ERBB4: variants seen among roughly 807,000 people sequenced by gnomAD.
ERBB4 encodes receptor tyrosine-protein kinase erbB-4.
A neutral mutation model predicts 158.0 loss-of-function variants in ERBB4; 42 were observed. That is an observed-to-expected ratio of 0.27 (90% CI 0.21 to 0.34). The LOEUF (loss-of-function observed/expected upper bound fraction) is 0.34. Among genes scored for constraint, ERBB4 ranks in the 10% least tolerant of loss-of-function variants. The pLI is 1.00. For missense variants in ERBB4, 1,333 were observed against 1,624.1 expected, an observed-to-expected ratio of 0.82 and a Z score of 3.08; for synonymous variants, 583 against 558.7, an observed-to-expected ratio of 1.04 and a Z score of -0.61.
rs561986441 is a variant in ERBB4, at chr2:211,851,241, T to C, written c.422-63082A>G. 3.2e-4 allele frequency among the ~76,000 whole-genome samples: 48 copies of C among 151,992 alleles called. 2 individuals are homozygous for C. In the South Asian group the frequency reaches 9.3e-3, roughly 30 times the overall value. On this transcript the variant is annotated intron_variant, in intron 3 of 27. Coordinates refer to ENST00000342788, the MANE Select transcript of ERBB4 (RefSeq NM_005235.3). ...ACAAGTGAAATAACCCATTACGTAA[T>C]ATGAACTAATGATTCAGTTCATGGT...
chr2:212,256,811 T>G (rs895412556), intron 1 of ERBB4, among the ~76,000 whole-genome samples: 3 of 152,166 alleles, frequency 2.0e-5, no homozygotes, highest in Non-Finnish European at 4.4e-5. Flanking sequence ...TTAGTAAATT[T>G]CCCAGATAAA....
In ERBB4 at chr2:212,319,307, T is replaced by C. The variant is rs931477531; in HGVS notation, c.83-194404A>G. Among the ~76,000 whole-genome samples, 4 of 138,688 alleles carry C rather than the reference T, an allele frequency of 2.9e-5. 1 individual carries two copies. Among genetic ancestry groups the C allele is most frequent in the Non-Finnish European group, 6.8e-5 (4 of 59,056 alleles). 91.0% of individuals were successfully genotyped at this position (138,688 alleles called of 152,430 possible). On this transcript the variant is annotated intron_variant, in intron 1 of 27. Transcript: ENST00000342788. ...CTCCTTCCCGCAGGAGTCTAAGTTTTAAACGTCCTCAGACATTCCAATTCA... is the reference window on the plus strand; with the variant it reads ...CTCCTTCCCGCAGGAGTCTAAGTTTCAAACGTCCTCAGACATTCCAATTCA...
chr2:211,780,010 AATT>A (rs1304179208), intron 4 of ERBB4, among the ~76,000 whole-genome samples: 1 of 152,148 alleles, frequency 6.6e-6, no homozygotes, highest in Non-Finnish European at 1.5e-5. Context: ...TATTTTTTAT[AATT>A]ATACACACAC....
intron 3 of ERBB4, among the ~76,000 whole-genome samples, chr2:211,875,526 A>G (rs549181986): frequency 9.9e-5 from 15 of 152,234 alleles, no homozygotes; most frequent in Non-Finnish European, 1.8e-4. Flanking sequence ...GACTGCACAT[A>G]TGATGGTGGT....
chr2:211,905,038 G>T (rs2079339419), intron 3 of ERBB4, among the ~76,000 whole-genome samples: 1 of 152,090 alleles, frequency 6.6e-6, no homozygotes, highest in African/African-American at 2.4e-5. Context: ...CATTGCTGCT[G>T]TAAAAAACAG....
At chr2:211,675,810 A>ATATATATAT (rs61556310) in intron 13 of ERBB4, among the ~76,000 whole-genome samples, 4 of 143,534 alleles carry the variant, frequency 2.8e-5, no homozygotes, top group Admixed American at 7.0e-5. Context: ...ATATATATAT[A>ATATATATAT]ACAAATAGGC....
chr2:211,745,232 G>A (rs953098697), intron 5 of ERBB4, among the ~76,000 whole-genome samples: 1 of 152,118 alleles, frequency 6.6e-6, no homozygotes, highest in Non-Finnish European at 1.5e-5. Context: ...GGTCTCTGGA[G>A]GTCTCATATT....
intron 3 of ERBB4, among the ~76,000 whole-genome samples, chr2:211,865,318 C>T (rs2078177582): frequency 6.6e-6 from 1 of 151,782 alleles, no homozygotes; most frequent in Non-Finnish European, 1.5e-5. Flanking sequence ...AAAACGCATA[C>T]CATATTTGGT....
chr2:212,207,693 G>A (rs1463689439), intron 1 of ERBB4, among the ~76,000 whole-genome samples: 1 of 152,126 alleles, frequency 6.6e-6, no homozygotes, highest in Non-Finnish European at 1.5e-5. Context: ...TAATACGACA[G>A]TGTTAGGCTT....
At chr2:212,142,739 T>G (rs185020232) in intron 1 of ERBB4, among the ~76,000 whole-genome samples, 1 of 151,848 alleles carries the variant, frequency 6.6e-6, no homozygotes, top group African/African-American at 2.4e-5. Flanking sequence ...ATTTAGGCTA[T>G]GTTCACATGG....
At chr2:212,084,711 T>C (rs1015578468) in intron 2 of ERBB4, among the ~76,000 whole-genome samples, 10 of 152,044 alleles carry the variant, frequency 6.6e-5, no homozygotes, top group Middle Eastern at 6.8e-3. Context: ...ATCTGAAACA[T>C]AGAGAAAATA....
chr2:212,104,282 T>C (rs937389923), intron 2 of ERBB4, among the ~76,000 whole-genome samples: 2 of 152,122 alleles, frequency 1.3e-5, no homozygotes, highest in African/African-American at 2.4e-5. Flanking sequence ...CCCTAGCAGG[T>C]AACCCAATGC....
intron 2 of ERBB4, among the ~76,000 whole-genome samples, chr2:212,020,860 T>C (rs910956895): frequency 2.0e-5 from 3 of 152,164 alleles, no homozygotes; most frequent in African/African-American, 7.2e-5. Flanking sequence ...TCAGGAATTA[T>C]TCTATGTCAC....
At chr2:211,679,295 A>G in intron 12 of ERBB4, 111 bp from the exon 13 acceptor site, 2 of 1,281,578 alleles carry the variant, frequency 1.6e-6, no homozygotes, top group Non-Finnish European at 1.1e-6. Flanking sequence ...GATATATGGC[A>G]AATGACTTTG....
intron 1 of ERBB4, among the ~76,000 whole-genome samples, chr2:212,215,084 G>A (rs1283022238): frequency 2.6e-5 from 4 of 151,566 alleles, no homozygotes; most frequent in African/African-American, 9.7e-5. Context: ...ACTTTGAGGG[G>A]AAGAGGAGCA....
At chr2:211,637,374 T>C (rs73988625) in intron 16 of ERBB4, among the ~76,000 whole-genome samples, 4,088 of 152,046 alleles carry the variant, frequency 0.027, 188 homozygotes, top group African/African-American at 0.093. Flanking sequence ...CTTAATTATG[T>C]ATATAATTTA....
intron 3 of ERBB4, among the ~76,000 whole-genome samples, chr2:211,912,093 T>C (rs1389901074): frequency 2.0e-5 from 3 of 152,036 alleles, no homozygotes; most frequent in Non-Finnish European, 4.4e-5. Context: ...GGAAGACAGG[T>C]AGGTAGGCAG....
At chr2:211,956,060 G>GTA (rs1559181890) in intron 2 of ERBB4, among the ~76,000 whole-genome samples, 1 of 147,966 alleles carries the variant, frequency 6.8e-6, no homozygotes, top group Non-Finnish European at 1.5e-5. Flanking sequence ...GTGTGTGTGT[G>GTA]TGTATTTGTT....
At chr2:212,481,212 T>A (rs1256378901) in intron 1 of ERBB4, among the ~76,000 whole-genome samples, 2 of 152,032 alleles carry the variant, frequency 1.3e-5, no homozygotes, top group African/African-American at 4.8e-5. Context: ...AAGTTATATA[T>A]ACATCTTTAA....
Sources: allele counts gnomAD v4.1 joint callset (sites outside exome capture counted in the v4.1 genomes callset), GRCh38; gene constraint gnomAD v4.1.1; transcripts MANE v1.5; gene names NCBI Gene and HGNC (gene_info 2026-07-23, HGNC 2026-07-21).